The following CPNE7 variants were observed in gnomAD, a reference collection of about 807,000 sequenced individuals.
CPNE7 encodes the protein copine-7.
CPNE7 carries 78 observed loss-of-function variants against 66.5 expected under a neutral mutation model. That is an observed-to-expected ratio of 1.17 (90% CI 0.98 to 1.42). The LOEUF (loss-of-function observed/expected upper bound fraction) is 1.42, where lower values mean the gene tolerates loss of function less well. Among genes scored for constraint, CPNE7 ranks in the 40% most tolerant of loss-of-function variants. The pLI is 0.00. For missense variants in CPNE7, 1,012 were observed against 776.6 expected (o/e 1.30, Z -3.60); for synonymous variants, 468 against 336.7 (o/e 1.39, Z -4.27).
intron 13 of CPNE7, among the ~76,000 whole-genome samples, chr16:89,593,043 C>T (rs1227230254): frequency 1.3e-5 from 2 of 151,360 alleles, no homozygotes; most frequent in South Asian, 2.1e-4. Flanking sequence ...AACTCCTGAC[C>T]TCAAGTGATC....
intron 9 of CPNE7, among the ~76,000 whole-genome samples, chr16:89,588,365 G>A (rs1239197874): frequency 6.6e-6 from 1 of 152,236 alleles, no homozygotes; most frequent in African/African-American, 2.4e-5. Flanking sequence ...CTTAGGCCCT[G>A]CCGGGGAGGG....
At chr16:89,592,584 A>C (rs1333374649) in intron 13 of CPNE7, among the ~76,000 whole-genome samples, 3 of 150,364 alleles carry the variant, frequency 2.0e-5, no homozygotes, top group African/African-American at 7.4e-5. Flanking sequence ...CTGGGATTAC[A>C]GGCTCCCGCC....
At chr16:89,592,175 A>AT (rs372508407) in intron 13 of CPNE7, among the ~76,000 whole-genome samples, 64,747 of 138,086 alleles carry the variant, frequency 0.47, 17,146 homozygotes, top group Middle Eastern at 0.64. Context: ...TGCCCGGCTA[A>AT]TTTTTTTTTT....
In CPNE7 at chr16:89,591,208, T is replaced by C; in HGVS notation, c.1250T>C (p.Ile417Thr). The C allele has an allele frequency of 6.3e-7, 1 of 1,596,094 alleles. No homozygotes were observed. The highest frequency in any genetic ancestry group is 8.5e-7 in the Non-Finnish European group (1 of 1,171,440). Residue 417 changes from isoleucine (I) to threonine (T), a missense_variant, in exon 13 of 15, where the codon ATC becomes ACC. By Grantham distance (89) the Ile-to-Thr change is moderately conservative. Coordinates refer to ENST00000319518, the MANE Select transcript of CPNE7 (RefSeq NM_153636.3). ...GGCCCCACCAACGTGGCGCCCATCATCTCCAAGGTGGCACGCGTGGCGGCG... is the reference window on the plus strand; with the variant it reads ...GGCCCCACCAACGTGGCGCCCATCACCTCCAAGGTGGCACGCGTGGCGGCG... ...LYGPTNVAPI[I>T]SKVARVAAAE...
chr16:89,591,205 T>C lies in CPNE7; in HGVS notation c.1247T>C (p.Ile416Thr). Residue 416 changes from isoleucine to threonine, a missense_variant, in exon 13 of 15, where the codon ATC (isoleucine) becomes ACC (threonine). By Grantham distance (89) the Ile-to-Thr change is moderately conservative. Coordinates refer to ENST00000319518, the MANE Select transcript of CPNE7 (RefSeq NM_153636.3). ...TACGGCCCCACCAACGTGGCGCCCA[T>C]CATCTCCAAGGTGGCACGCGTGGCG... ...QLYGPTNVAP[I>T]ISKVARVAAA... 1 of 1,596,954 alleles carries C rather than the reference T, an allele frequency of 6.3e-7. No homozygotes were observed. Among genetic ancestry groups the C allele is most frequent in the Middle Eastern group, 1.7e-4 (1 of 6,034 alleles).
At chr16:89,595,942 G>A (rs144938572) in intron 14 of CPNE7, 230 of 527,912 alleles carry the variant, frequency 4.4e-4, no homozygotes, top group African/African-American at 3.9e-3. Flanking sequence ...TCTACCCGCC[G>A]AGACACACAC....
intron 2 of CPNE7, 134 bp downstream of exon 2, chr16:89,577,855 C>T: frequency 1.4e-6 from 1 of 694,092 alleles, no homozygotes. Context: ...TCAGCTCCTC[C>T]TGAACAGTCA....
intron 10 of CPNE7, among the ~76,000 whole-genome samples, chr16:89,589,434 G>T (rs951699460): frequency 6.6e-6 from 1 of 152,202 alleles, no homozygotes; most frequent in African/African-American, 2.4e-5. Context: ...GGGCTCACCC[G>T]CGTATGCTTT....
intron 11 of CPNE7, among the ~76,000 whole-genome samples, 179 bp from the exon 12 acceptor site, chr16:89,590,828 G>C (rs1465644383): frequency 1.1e-5 from 1 of 87,912 alleles, no homozygotes; most frequent in Non-Finnish European, 2.3e-5. Flanking sequence ...GGCCGGGGAC[G>C]GGGGGAGCAG....
chr16:89,576,014 C>G lies in CPNE7; in HGVS notation c.117C>G (p.Leu39=). The G allele has an allele frequency of 7.3e-7, 1 of 1,365,302 alleles. No homozygotes were observed. The highest frequency in any genetic ancestry group is 9.4e-7 in the Non-Finnish European group (1 of 1,058,248). The allele number at this position is 1,365,302 out of a possible 1,614,324, so 84.6% of individuals were successfully genotyped here. ...GGCACCTGCTGGACCGCGACCCGCT[C>G]ACCAAGTCCGACCCCAGCGTGGCGT... ...SCRHLLDRDP[L]TKSDPSVALL... is the part of the protein sequence containing the mutation. The change falls in exon 1 of 15, where the codon CTC becomes CTG. Residue 39 remains leucine (L), a synonymous_variant. Transcript: ENST00000319518.
intron 2 of CPNE7, among the ~76,000 whole-genome samples, chr16:89,580,911 GTCACATGGAACATCTCACCCA>G (rs2058945905): frequency 9.3e-6 from 1 of 107,816 alleles, no homozygotes; most frequent in Non-Finnish European, 1.8e-5. Flanking sequence ...CCCATCACCC[GTCACATGGAACATCTCACCCA>G]TCACACGGAA....
At chr16:89,590,982 A>C in intron 11 of CPNE7, 25 bp from the exon 12 acceptor site, 1 of 1,613,208 alleles carries the variant, frequency 6.2e-7, no homozygotes, top group Non-Finnish European at 8.5e-7. Flanking sequence ...CGAGCAGCTG[A>C]CTGAGCCCTC....
rs1289849896 is a variant in CPNE7, at chr16:89,583,712, A to T, written c.373A>T (p.Lys125Ter). ...TGACTTACAGATTGTGGCCCAGAAG[A>T]AGGTGACCCGCCCGCTGCTGCTCAA... Reference protein sequence around the residue: ...CTLGQIVAQKKVTRPLLLKFG... With the variant: ...CTLGQIVAQK Residue 125 changes from lysine to a stop codon, truncating the protein, a stop_gained, in exon 3 of 15, where the codon AAG becomes TAG. Coordinates refer to ENST00000319518, the MANE Select transcript of CPNE7 (RefSeq NM_153636.3). LOFTEE classifies it high-confidence loss of function. 6.2e-7 allele frequency: 1 copy of T among 1,612,612 alleles called. No individual in the cohort carries two copies. The highest frequency in any genetic ancestry group is 1.3e-5 in the African/African-American group (1 of 74,896).
At chr16:89,577,269 C>A (rs940064702) in intron 1 of CPNE7, among the ~76,000 whole-genome samples, 3 of 152,146 alleles carry the variant, frequency 2.0e-5, no homozygotes, top group African/African-American at 4.8e-5. Flanking sequence ...TCTGATCTCG[C>A]CCCCGACTCA....
At chr16:89,582,080 C>T (rs960079076) in intron 2 of CPNE7, among the ~76,000 whole-genome samples, 1 of 152,244 alleles carries the variant, frequency 6.6e-6, no homozygotes, top group Non-Finnish European at 1.5e-5. Flanking sequence ...TGTGTGAGCA[C>T]GTGTGCTGTG....
rs368742389 is a variant in CPNE7 at position 89,589,995 on chromosome 16, C to T, written c.1116+44C>T. The T allele has an allele frequency of 6.1e-5, 98 of 1,607,034 alleles. No individual in the cohort carries two copies. In the Admixed American group the frequency reaches 8.7e-4, roughly 14 times the overall value. On this transcript the variant is annotated intron_variant, in intron 11 of 14. Transcript: ENST00000319518. ...TGAGACCTCAGAGCTGTGCCCTTCT[C>T]GTGCCCTCCCAGGCAGAGGACGGCC...
intron 13 of CPNE7, among the ~76,000 whole-genome samples, chr16:89,594,871 C>G (rs921500983): frequency 2.0e-5 from 3 of 151,834 alleles, no homozygotes; most frequent in African/African-American, 4.8e-5. Context: ...AGGCTGGTCT[C>G]GAACTCCTGA....
intron 2 of CPNE7, among the ~76,000 whole-genome samples, chr16:89,581,081 G>A (rs1028850276): frequency 6.4e-5 from 9 of 139,634 alleles, no homozygotes; most frequent in East Asian, 2.3e-4. Context: ...CCTGTCACAC[G>A]GAACATCCCA....
rs745393139 is a variant in CPNE7, at chr16:89,584,809, C to G, written c.543C>G (p.Leu181=). ...GCAAGTCCGACCCCTTCCTGGAGCT[C>G]TACAGGGTCAACGACGACCAGGGCT... ...LFSKSDPFLE[L]YRVNDDQGLQ... Residue 181 remains leucine, a synonymous_variant, in exon 5 of 15, where the codon CTC becomes CTG. Coordinates refer to ENST00000319518, the MANE Select transcript of CPNE7 (RefSeq NM_153636.3). The surrounding 1 kb of genome is among the most constrained non-coding windows in gnomAD (Gnocchi z 6.0). 1 of 1,613,738 alleles carries G rather than the reference C, an allele frequency of 6.2e-7. No individual in the cohort carries two copies. The highest frequency in any genetic ancestry group is 1.3e-5 in the African/African-American group (1 of 75,052).
Sources: allele counts gnomAD v4.1 joint callset (sites outside exome capture counted in the v4.1 genomes callset), GRCh38; gene constraint gnomAD v4.1.1; non-coding constraint Gnocchi (gnomAD v3.1); transcripts MANE v1.5; gene names NCBI Gene and HGNC (gene_info 2026-07-23, HGNC 2026-07-21).